EPHB2: variants seen among roughly 807,000 people sequenced by gnomAD.
EPHB2 encodes EPH receptor B2, also known as ephrin type-B receptor 2.
In EPHB2, 18 loss-of-function variants were observed where a neutral mutation model predicts 96.4. That is an observed-to-expected ratio of 0.19 (90% CI 0.13 to 0.28). The LOEUF (loss-of-function observed/expected upper bound fraction) is 0.28. EPHB2 is among the 10% of genes least tolerant of loss of function. The pLI, the probability that EPHB2 is intolerant of heterozygous loss-of-function variation, is 1.00. For missense variants in EPHB2, 989 were observed against 1,355.4 expected, an observed-to-expected ratio of 0.73 and a Z score of 4.25; for synonymous variants, 506 against 534.1, an observed-to-expected ratio of 0.95 and a Z score of 0.72.
intron 1 of EPHB2, among the ~76,000 whole-genome samples, chr1:22,768,762 C>T (rs1233603419): frequency 7.3e-6 from 1 of 136,270 alleles, no homozygotes; most frequent in Non-Finnish European, 1.6e-5. Flanking sequence ...CTTCTCCCTC[C>T]TGCAGGTTCT....
At chr1:22,871,624 G>T (rs768624515) in intron 5 of EPHB2, among the ~76,000 whole-genome samples, 4 of 152,198 alleles carry the variant, frequency 2.6e-5, no homozygotes, top group Non-Finnish European at 5.9e-5. Flanking sequence ...ACAGTACATG[G>T]CAGCTTGGCT....
intron 1 of EPHB2, among the ~76,000 whole-genome samples, chr1:22,755,777 A>G (rs1011063107): frequency 6.6e-6 from 1 of 152,212 alleles, no homozygotes; most frequent in Non-Finnish European, 1.5e-5. Context: ...AATGCTTCCA[A>G]CTGTGCCTGG....
rs16827653 is a variant in EPHB2, at chr1:22,839,396, G to C, written c.812-23641G>C. On this transcript the variant is annotated intron_variant, in intron 3 of 15. Coordinates refer to ENST00000374630, the MANE Select transcript of EPHB2 (RefSeq NM_017449.5). ...TCTGCATCTCCATTTGCTCCTGAAA[G>C]CAACTCTTATGGAGTATCCACCAAA... is the stretch of plus-strand genomic sequence containing the variant. Among the ~76,000 whole-genome samples, 1,227 of 152,316 alleles carry C rather than the reference G, an allele frequency of 8.1e-3. 33 individuals are homozygous for C. The highest frequency in any genetic ancestry group is 0.052 in the East Asian group (271 of 5,192).
intron 9 of EPHB2, among the ~76,000 whole-genome samples, chr1:22,901,603 C>T (rs1433390391): frequency 2.0e-5 from 3 of 152,196 alleles, no homozygotes; most frequent in Non-Finnish European, 4.4e-5. Context: ...GACCTCGGTT[C>T]AGCAAGTGCC....
rs987060974 is a variant in EPHB2, at chr1:22,913,906, C to T, written c.*336C>T. 7 of 1,533,652 alleles carry T rather than the reference C, an allele frequency of 4.6e-6. No individual in the cohort carries two copies. The highest frequency in any genetic ancestry group is 2.2e-5 in the Admixed American group (1 of 45,180). ...GGGAGATTCATGCGATGTGTCCAATCGGAGACAAAAGCAGTTTCTCTCCAA... is the reference window on the plus strand; with the variant it reads ...GGGAGATTCATGCGATGTGTCCAATTGGAGACAAAAGCAGTTTCTCTCCAA... On this transcript the variant is annotated 3_prime_UTR_variant, in exon 16 of 16. Transcript: ENST00000374630. This position sits in a 1 kb window ranked among gnomAD's most constrained non-coding sequence, Gnocchi z 4.1.
intron 1 of EPHB2, among the ~76,000 whole-genome samples, chr1:22,758,110 G>A (rs1644180965): frequency 7.0e-6 from 1 of 143,798 alleles, no homozygotes; most frequent in Non-Finnish European, 1.5e-5. Context: ...AGTAGAGACG[G>A]GGTTTCACCG....
chr1:22,712,344 A>T (rs1643176001), intron 1 of EPHB2, among the ~76,000 whole-genome samples: 1 of 152,154 alleles, frequency 6.6e-6, no homozygotes, highest in South Asian at 2.1e-4. Flanking sequence ...GTTGCCCCTA[A>T]ACTGCGTGAG....
intron 3 of EPHB2, among the ~76,000 whole-genome samples, chr1:22,841,581 G>A (rs1645469919): frequency 6.6e-6 from 1 of 152,212 alleles, no homozygotes; most frequent in South Asian, 2.1e-4. Context: ...GGCTGTGGGG[G>A]TGGAAGGCAT....
intron 3 of EPHB2, among the ~76,000 whole-genome samples, chr1:22,832,864 G>T (rs1374891454): frequency 7.0e-6 from 1 of 142,138 alleles, no homozygotes; most frequent in East Asian, 2.1e-4. Flanking sequence ...CAAAGGGACA[G>T]ATAGGTGTCC....
chr1:22,895,374 G>C (rs146586896), intron 7 of EPHB2, 98 bp from the exon 8 acceptor site: 1 of 1,117,848 alleles, frequency 8.9e-7, no homozygotes, highest in African/African-American at 1.5e-5. Flanking sequence ...AGAGTCTAGG[G>C]ATCCCAGGAG....
chr1:22,853,222 G>A (rs1225017859), intron 3 of EPHB2, among the ~76,000 whole-genome samples: 4 of 152,210 alleles, frequency 2.6e-5, no homozygotes, highest in Admixed American at 6.5e-5. Flanking sequence ...GTGTGGTGGC[G>A]GACGCCTGTA....
rs1189585044 is a variant in EPHB2, at chr1:22,896,485, A to G, written c.1765+7A>G. On this transcript the variant is annotated splice_region_variant and intron_variant, in intron 9 of 15. Coordinates refer to ENST00000374630, the MANE Select transcript of EPHB2 (RefSeq NM_017449.5). ...CACTACACCAGTGGCCACAGTATGT[A>G]CACACCCAAGCGGGCTGGAACCCTT... 5.6e-6 allele frequency: 9 copies of G among 1,614,138 alleles called. No individual in the cohort carries two copies. The highest frequency in any genetic ancestry group is 7.6e-6 in the Non-Finnish European group (9 of 1,180,022).
chr1:22,807,862 A>G (rs1290927920), intron 3 of EPHB2, among the ~76,000 whole-genome samples: 1 of 152,218 alleles, frequency 6.6e-6, no homozygotes, highest in Non-Finnish European at 1.5e-5. Flanking sequence ...GGCCAGGCAC[A>G]GTGGCTCATG....
chr1:22,906,793 G>T lies in EPHB2; in HGVS notation c.1972G>T (p.Gly658Cys), dbSNP rs772138917. 6.2e-7 allele frequency: 1 copy of T among 1,614,224 alleles called. No individual in the cohort carries two copies. The highest frequency in any genetic ancestry group is 8.5e-7 in the Non-Finnish European group (1 of 1,180,056). Residue 658 changes from glycine (G) to cysteine (C), a missense_variant, in exon 11 of 16, where the codon GGC becomes TGC. Transcript: ENST00000374630. The surrounding 1 kb of genome is among the most constrained non-coding windows in gnomAD (Gnocchi z 4.8). ...IFVAIKTLKS[G>C]YTEKQRRDFL... is the part of the protein sequence containing the mutation. ...TGTGGCCATCAAGACGCTCAAGTCG[G>T]GCTACACGGAGAAGCAGCGCCGGGA... is the stretch of plus-strand genomic sequence containing the variant.
chr1:22,728,388 A>G (rs1223892776), intron 1 of EPHB2, among the ~76,000 whole-genome samples: 2 of 152,228 alleles, frequency 1.3e-5, no homozygotes, highest in Non-Finnish European at 2.9e-5. Context: ...CAGAGGAGGA[A>G]ACTGAGCCTC....
chr1:22,820,774 A>T (rs1570338487), intron 3 of EPHB2, among the ~76,000 whole-genome samples: 1 of 152,230 alleles, frequency 6.6e-6, no homozygotes, highest in East Asian at 1.9e-4. Flanking sequence ...TTCTCCTTGG[A>T]ACTACACCAA....
At chr1:22,884,497 G>A (rs1219642647) in intron 6 of EPHB2, among the ~76,000 whole-genome samples, 1 of 151,950 alleles carries the variant, frequency 6.6e-6, no homozygotes, top group Admixed American at 6.6e-5. Flanking sequence ...GTGCACACCT[G>A]TAATCCCAGC....
At chr1:22,820,101 A>G (rs1051492223) in intron 3 of EPHB2, among the ~76,000 whole-genome samples, 3 of 152,250 alleles carry the variant, frequency 2.0e-5, no homozygotes, top group Admixed American at 6.5e-5. Context: ...ATATCTCACC[A>G]TCCCCAGGAA....
chr1:22,744,819 C>T (rs1390381496), intron 1 of EPHB2, among the ~76,000 whole-genome samples: 1 of 150,656 alleles, frequency 6.6e-6, no homozygotes, highest in African/African-American at 2.4e-5. Context: ...TGCCACAGCA[C>T]TACAGACTGG....
Sources: allele counts gnomAD v4.1 joint callset (sites outside exome capture counted in the v4.1 genomes callset), GRCh38; gene constraint gnomAD v4.1.1; non-coding constraint Gnocchi (gnomAD v3.1); transcripts MANE v1.5; gene names NCBI Gene and HGNC (gene_info 2026-07-23, HGNC 2026-07-21).